Variants in AKAP11 observed in about 807,000 individuals in gnomAD.
AKAP11 encodes A-kinase anchoring protein 11, also known as A-kinase anchor protein 11.
Under a neutral mutation model 146.1 loss-of-function variants are expected in AKAP11, and 36 were observed. That is an observed-to-expected ratio of 0.25 (90% CI 0.19 to 0.33). AKAP11 has a LOEUF of 0.33. AKAP11 is among the 10% of genes least tolerant of loss of function. The pLI is 1.00. For missense variants in AKAP11, 2,201 were observed against 2,197.0 expected (o/e 1.00, Z -0.04); for synonymous variants, 780 against 786.5 (o/e 0.99, Z 0.14).
At chr13:42,273,570 A>T (rs1382387472) in intron 1 of AKAP11, among the ~76,000 whole-genome samples, 1 of 152,140 alleles carries the variant, frequency 6.6e-6, no homozygotes. Flanking sequence ...TAATGTATGT[A>T]CCCACATAAC....
At chr13:42,290,526 C>T (rs148831041) in intron 3 of AKAP11, among the ~76,000 whole-genome samples, 1 of 152,310 alleles carries the variant, frequency 6.6e-6, no homozygotes, top group East Asian at 1.9e-4. Context: ...ATAATCCTTT[C>T]CTAAATCAGT....
In AKAP11 at chr13:42,303,254, T is replaced by G; in HGVS notation, c.4508T>G (p.Val1503Gly). ...SGYEEDNECH[V>G]TPELPKSLQP... ...TATGAAGAAGATAATGAGTGTCACG[T>G]TACACCAGAATTGCCTAAGTCTCTT... The change falls in exon 8 of 13, where the codon GTT becomes GGT. Residue 1503 changes from valine (V) to glycine (G), a missense_variant. Around this residue, in one of 3 missense-constraint regions of AKAP11, gnomAD observed 1,867 missense variants for 1,833.5 expected, o/e 1.02. Transcript: ENST00000025301. 6.2e-7 allele frequency: 1 copy of G among 1,613,844 alleles called. No homozygotes were observed. The highest frequency in any genetic ancestry group is 8.5e-7 in the Non-Finnish European group (1 of 1,180,018).
chr13:42,303,743 T>C lies in AKAP11; in HGVS notation c.4997T>C (p.Leu1666Pro). 6.2e-7 allele frequency: 1 copy of C among 1,613,868 alleles called. No homozygotes were observed. The change falls in exon 8 of 13, where the codon CTG becomes CCG. Residue 1666 changes from leucine to proline, a missense_variant. By Grantham distance (98) the Leu-to-Pro change is moderately conservative. This residue lies in a region of AKAP11 where 1,867 missense variants were observed against 1,833.5 expected (regional missense o/e 1.02). Coordinates refer to ENST00000025301, the MANE Select transcript of AKAP11 (RefSeq NM_016248.4). ...AEAIEKAERE[L>P]SSTSLAADSG... is the part of the protein sequence containing the mutation. ...GCCATTGAAAAAGCTGAGCGAGAGC[T>C]GAGCAGTACCAGCCTGGCAGCCGAC...
At position 42,322,498 on chromosome 13, in the gene AKAP11, T is replaced by G. The variant is rs1961129906; in HGVS notation, c.*3270T>G. On this transcript the variant is annotated 3_prime_UTR_variant, in exon 13 of 13. Transcript: ENST00000025301. ...TCCCATCAGTATATCACTTTAAATT[T>G]TATGTTTTTCTAAGGAAACTTTCCA... 1 of 152,296 alleles carries G rather than the reference T, an allele frequency of 6.6e-6. No individual in the cohort carries two copies. Among genetic ancestry groups the G allele is most frequent in the African/African-American group, 2.4e-5 (1 of 41,454 alleles). 9.4% of individuals were successfully genotyped at this position (152,296 alleles called of 1,614,324 possible).
intron 9 of AKAP11, among the ~76,000 whole-genome samples, chr13:42,310,375 TG>T (rs1401579778): frequency 6.6e-6 from 1 of 152,200 alleles, no homozygotes; most frequent in Non-Finnish European, 1.5e-5. Flanking sequence ...TGAAGATTTA[TG>T]AAGTCAGTGA....
chr13:42,277,592 C>T (rs1958956372), intron 1 of AKAP11, among the ~76,000 whole-genome samples: 1 of 152,140 alleles, frequency 6.6e-6, no homozygotes, highest in Admixed American at 6.5e-5. Flanking sequence ...AGTGACAGAA[C>T]AAATATTCTT....
chr13:42,277,489 A>G (rs1043236787), intron 1 of AKAP11, among the ~76,000 whole-genome samples: 5 of 152,228 alleles, frequency 3.3e-5, no homozygotes, highest in Non-Finnish European at 5.9e-5. Flanking sequence ...ACCAGTGGCT[A>G]GTTGGGCTCA....
intron 4 of AKAP11, among the ~76,000 whole-genome samples, chr13:42,293,296 C>G (rs576247038): frequency 2.2e-4 from 34 of 152,060 alleles, no homozygotes; most frequent in Non-Finnish European, 2.9e-4. Flanking sequence ...GCATTTAAGA[C>G]CTCATAAATC....
In AKAP11 at chr13:42,303,538, T is replaced by C. The variant is rs758188325; in HGVS notation, c.4792T>C (p.Cys1598Arg). Residue 1598 changes from cysteine (C) to arginine (R), a missense_variant, in exon 8 of 13, where the codon TGC becomes CGC. By Grantham distance (180) the Cys-to-Arg change is radical (BLOSUM62 -3). This residue lies in a region of AKAP11 where 1,867 missense variants were observed against 1,833.5 expected (regional missense o/e 1.02). Coordinates refer to ENST00000025301, the MANE Select transcript of AKAP11 (RefSeq NM_016248.4). The part of the protein sequence containing the change: ...RYCDLKELHN[C>R]TGNSSQHFFR... ...CTGTGACCTTAAAGAACTCCACAAT[T>C]GCACTGGAAATTCATCTCAGCACTT... The C allele has an allele frequency of 1.2e-6, 2 of 1,614,224 alleles. No homozygotes were observed. Among genetic ancestry groups the C allele is most frequent in the South Asian group, 2.2e-5 (2 of 91,078 alleles).
rs974728386 is a variant in AKAP11 at position 42,301,434 on chromosome 13, T to C, written c.2688T>C (p.Val896=). 3.1e-6 allele frequency: 5 copies of C among 1,613,204 alleles called. No homozygotes were observed. The South Asian group carries it at 5.5e-5, about 18-fold the overall frequency. ...ETLESMTSLE[V]TKMVDERTDY... ...TAGAGTCAATGACATCATTGGAAGT[T>C]ACAAAAATGGTTGATGAACGTACAG... Residue 896 remains valine (V), a synonymous_variant, in exon 8 of 13, where the codon GTT becomes GTC. Coordinates refer to ENST00000025301, the MANE Select transcript of AKAP11 (RefSeq NM_016248.4).
chr13:42,298,044 G>T (rs1376442974), intron 6 of AKAP11, among the ~76,000 whole-genome samples: 1 of 151,974 alleles, frequency 6.6e-6, no homozygotes, highest in Non-Finnish European at 1.5e-5. Context: ...ATTGTAAGTT[G>T]TAATGCTAGG....
intron 6 of AKAP11, 92 bp downstream of exon 6, chr13:42,297,274 A>G (rs1275559858): frequency 8.7e-6 from 9 of 1,039,578 alleles, no homozygotes; most frequent in Non-Finnish European, 1.2e-5. Context: ...CTTGGATGAC[A>G]TTTGTTTTTT....
chr13:42,309,332 A>C (rs1306653826), intron 9 of AKAP11, among the ~76,000 whole-genome samples: 1 of 152,242 alleles, frequency 6.6e-6, no homozygotes, highest in Non-Finnish European at 1.5e-5. Flanking sequence ...ACTGGAAATA[A>C]TAGATACCAT....
intron 8 of AKAP11, among the ~76,000 whole-genome samples, chr13:42,307,779 G>A (rs1190568996): frequency 6.6e-6 from 1 of 152,046 alleles, no homozygotes; most frequent in African/African-American, 2.4e-5. Flanking sequence ...CTTCGGCTTG[G>A]TGGGAAGCCA....
intron 1 of AKAP11, among the ~76,000 whole-genome samples, chr13:42,279,041 G>A (rs1370989691): frequency 2.6e-5 from 4 of 151,324 alleles, no homozygotes; most frequent in African/African-American, 9.7e-5. Flanking sequence ...TATATAATGT[G>A]TACTTTTTTT....
intron 9 of AKAP11, among the ~76,000 whole-genome samples, chr13:42,309,953 A>G (rs1960471368): frequency 6.6e-6 from 1 of 152,154 alleles, no homozygotes; most frequent in Non-Finnish European, 1.5e-5. Context: ...GAGAAAAAGG[A>G]GTCGTCTTAC....
rs1166741611 is a variant in AKAP11, at chr13:42,303,220, A to G, written c.4474A>G (p.Lys1492Glu). 1 of 1,614,140 alleles carries G rather than the reference A, an allele frequency of 6.2e-7. No homozygotes were observed. Among genetic ancestry groups the G allele is most frequent in the Non-Finnish European group, 8.5e-7 (1 of 1,180,028 alleles). The change falls in exon 8 of 13, where the codon AAA (lysine) becomes GAA (glutamate). Residue 1492 changes from lysine to glutamate, a missense_variant. By Grantham distance (56) the Lys-to-Glu change is moderately conservative. Around this residue, in one of 3 missense-constraint regions of AKAP11, gnomAD observed 1,867 missense variants for 1,833.5 expected, o/e 1.02. Coordinates refer to ENST00000025301, the MANE Select transcript of AKAP11 (RefSeq NM_016248.4). ...KSLTDSCLFEKSGYEEDNECH... is the reference protein window; with the variant it reads ...KSLTDSCLFEESGYEEDNECH... The stretch of plus-strand genomic sequence containing the variant: ...CTTAACAGATTCTTGCTTGTTTGAA[A>G]AATCTGGATATGAAGAAGATAATGA...
rs1959925263 is a variant in AKAP11, at chr13:42,301,765, G to A, written c.3019G>A (p.Val1007Ile). The A allele has an allele frequency of 5.0e-6, 8 of 1,614,136 alleles. No homozygotes were observed. Among genetic ancestry groups the A allele is most frequent in the Non-Finnish European group, 6.8e-6 (8 of 1,180,000 alleles). The stretch of plus-strand genomic sequence containing the variant: ...CTCACTTTCAGCTGCAAAGGATTGT[G>A]TTCCAGAATGTAAAGTTTCTATGGT... The part of the protein sequence containing the change: ...HCSLSAAKDC[V>I]PECKVSMVHG... Residue 1007 changes from valine (V) to isoleucine (I), a missense_variant, in exon 8 of 13, where the codon GTT (valine) becomes ATT (isoleucine). Physicochemically the swap from Val to Ile is conservative, Grantham distance 29. Coordinates refer to ENST00000025301, the MANE Select transcript of AKAP11 (RefSeq NM_016248.4).
upstream of AKAP11, among the ~76,000 whole-genome samples, chr13:42,271,688 C>T (rs556012834): frequency 3.3e-5 from 5 of 152,276 alleles, no homozygotes; most frequent in East Asian, 9.7e-4. Context: ...AAGCCAAGGC[C>T]TGGGGACTTG....
Sources: gnomAD v4.1 joint callset for allele counts (sites outside exome capture counted in the v4.1 genomes callset) on GRCh38, gnomAD v4.1.1 for gene constraint, gnomAD v4.1.1 regional missense constraint, MANE v1.5 for transcripts, NCBI Gene and HGNC (gene_info 2026-07-23, HGNC 2026-07-21) for gene names.